The following GCLC variants were observed in gnomAD, a reference collection of about 807,000 sequenced individuals.
The protein encoded by GCLC is glutamate--cysteine ligase catalytic subunit.
GCLC carries 30 observed loss-of-function variants against 81.5 expected under a neutral mutation model. That is an observed-to-expected ratio of 0.37 (90% confidence interval 0.28 to 0.50). GCLC has a LOEUF of 0.50. Ranked by LOEUF, GCLC falls within the 20% of genes least tolerant of loss-of-function variation. The pLI is 0.96. For missense variants in GCLC, 556 were observed against 777.4 expected (o/e 0.72, Z 3.39); for synonymous variants, 262 against 273.3 (o/e 0.96, Z 0.41).
intron 1 of GCLC, among the ~76,000 whole-genome samples, chr6:53,531,975 T>C (rs12527352): frequency 0.014 from 2,193 of 152,350 alleles, 25 homozygotes; most frequent in Middle Eastern, 0.086. Context: ...ACTCTTAGTA[T>C]AAGACCATCA....
At chr6:53,510,237 G>A (rs747856799) in intron 6 of GCLC, 3 of 152,056 alleles carry the variant, frequency 2.0e-5, no homozygotes, top group Non-Finnish European at 4.4e-5. Context: ...AGAAAAAGAG[G>A]CCCTCTAAGT....
At chr6:53,505,146 TG>T (rs1474529848) in intron 12 of GCLC, 2 of 462,650 alleles carry the variant, frequency 4.3e-6, no homozygotes, top group African/African-American at 3.9e-5. Flanking sequence ...GTAATCAACC[TG>T]GGATTTTGTG....
rs768852508 is a variant in GCLC at position 53,506,966 on chromosome 6, G to A, written c.1144C>T (p.Leu382=). ...TCCAGGTGTATTTTCTCTTCAAACA[G>A]TGTCAGTGGGTCTCTAATAAAGAGA... ...AHLFIRDPLT[L]FEEKIHLDDA... The change falls in exon 10 of 16, where the codon CTG becomes TTG. Residue 382 remains leucine (L), a synonymous_variant. Transcript: ENST00000650454. This position sits in a 1 kb window ranked among gnomAD's most constrained non-coding sequence, Gnocchi z 4.0. 6.2e-7 allele frequency: 1 copy of A among 1,611,362 alleles called. No individual in the cohort carries two copies. Among genetic ancestry groups the A allele is most frequent in the African/African-American group, 1.3e-5 (1 of 74,884 alleles).
rs1467876132 is a variant in GCLC at position 53,544,584 on chromosome 6, T to C, written c.62A>G (p.His21Arg). 1 of 1,605,632 alleles carries C rather than the reference T, an allele frequency of 6.2e-7. No homozygotes were observed. The highest frequency in any genetic ancestry group is 1.1e-5 in the South Asian group (1 of 91,076). Residue 21 changes from histidine to arginine, a missense_variant, in exon 1 of 16, where the codon CAC becomes CGC. Transcript: ENST00000650454. ...SWEETKRHADHVRRHGILQFL... is the reference protein window; with the variant it reads ...SWEETKRHADRVRRHGILQFL... ...CTGGAGGATCCCGTGCCGCCGCACG[T>C]GGTCGGCATGGCGCTTGGTTTCCTC... is the stretch of plus-strand genomic sequence containing the variant.
rs10588842 is a variant in GCLC at position 53,538,136 on chromosome 6, C to CTTTTTT, written c.150+6354_150+6359dup. On this transcript the variant is annotated intron_variant, in intron 1 of 15. Coordinates refer to ENST00000650454, the MANE Select transcript of GCLC (RefSeq NM_001498.4). ...AGCTAGGCATTTTCTTTTTTCTTTC[C>CTTTTTT]TTTTTTTTTTTTTTTTTTTTTTTTT... 8.1e-4 allele frequency among the ~76,000 whole-genome samples: 64 copies of CTTTTTT among 78,910 alleles called. 4 individuals carry two copies. The East Asian group carries it at 0.019, about 23-fold the overall frequency. The allele number at this position is 78,910 out of a possible 152,430, so 51.8% of individuals were successfully genotyped here.
chr6:53,500,807 T>C (rs1764496303), intron 12 of GCLC: 2 of 452,280 alleles, frequency 4.4e-6, no homozygotes, highest in Admixed American at 6.9e-5. Flanking sequence ...GACTGAGCCT[T>C]GCAACAGATA....
chr6:53,500,182 A>G lies in GCLC; in HGVS notation c.1582-17T>C, dbSNP rs749400371. On this transcript the variant is annotated splice_polypyrimidine_tract_variant and intron_variant, in intron 14 of 15. Coordinates refer to ENST00000650454, the MANE Select transcript of GCLC (RefSeq NM_001498.4). ...CACACCTTCCTACAAGAAGCAGGAC[A>G]CTTTATGAACTCCCTGCCGGGGGAT... 8.1e-6 allele frequency: 13 copies of G among 1,613,944 alleles called. No homozygotes were observed. The highest frequency in any genetic ancestry group is 1.1e-5 in the Non-Finnish European group (13 of 1,179,914).
chr6:53,514,799 G>A (rs1764834192), intron 4 of GCLC, among the ~76,000 whole-genome samples: 1 of 152,136 alleles, frequency 6.6e-6, no homozygotes, highest in Non-Finnish European at 1.5e-5. Flanking sequence ...AGTCTGCCAT[G>A]GTCTGCTTTC....
intron 1 of GCLC, among the ~76,000 whole-genome samples, chr6:53,530,698 A>C (rs1763156893): frequency 6.6e-6 from 1 of 152,170 alleles, no homozygotes; most frequent in Non-Finnish European, 1.5e-5. Flanking sequence ...AGCATATTCA[A>C]TGGTGTCGTT....
chr6:53,500,524 A>G lies in GCLC; in HGVS notation c.1396-11T>C, dbSNP rs1393705428. The G allele has an allele frequency of 6.3e-7, 1 of 1,581,242 alleles. No individual in the cohort carries two copies. The highest frequency in any genetic ancestry group is 2.2e-5 in the East Asian group (1 of 44,728). ...CATGTTCTCATCAACCTAAGGGAAAAAAAGAATCACGACTAAGTCAAAATA... is the reference window on the plus strand; with the variant it reads ...CATGTTCTCATCAACCTAAGGGAAAGAAAGAATCACGACTAAGTCAAAATA... On this transcript the variant is annotated splice_polypyrimidine_tract_variant and intron_variant, in intron 12 of 15. Coordinates refer to ENST00000650454, the MANE Select transcript of GCLC (RefSeq NM_001498.4).
At chr6:53,513,988 C>A (rs1432247557) in intron 6 of GCLC, 5 of 598,422 alleles carry the variant, frequency 8.4e-6, no homozygotes, top group South Asian at 6.0e-5. Context: ...ACCGTATATA[C>A]CTTTGTGGTG....
chr6:53,532,322 C>A (rs2127628978), intron 1 of GCLC, among the ~76,000 whole-genome samples: 1 of 152,360 alleles, frequency 6.6e-6, no homozygotes. Context: ...CAATTTCTTG[C>A]AGTACATCCT....
chr6:53,516,081 CT>C, intron 4 of GCLC, 27 bp downstream of exon 4: 2 of 1,277,246 alleles, frequency 1.6e-6, no homozygotes, highest in Non-Finnish European at 2.3e-6. Flanking sequence ...TGAAGGGCAT[CT>C]GCATTTCAAC....
At chr6:53,543,957 T>C (rs1460743451) in intron 1 of GCLC, among the ~76,000 whole-genome samples, 1 of 152,172 alleles carries the variant, frequency 6.6e-6, no homozygotes, top group African/African-American at 2.4e-5. Flanking sequence ...TTTCAATTTA[T>C]AGCTATGAAG....
At chr6:53,500,887 C>A in intron 12 of GCLC, 1 of 340,112 alleles carries the variant, frequency 2.9e-6, no homozygotes, top group South Asian at 2.6e-5. Flanking sequence ...CCCAGGGTAA[C>A]GAAGGCAGAA....
chr6:53,515,986 A>T, intron 4 of GCLC, 123 bp downstream of exon 4: 2 of 690,212 alleles, frequency 2.9e-6, no homozygotes, highest in African/African-American at 1.8e-5. Flanking sequence ...TTCTCTGGTT[A>T]CTTAGGAAGA....
At position 53,498,537 on chromosome 6, in the gene GCLC, TA is replaced by T; in HGVS notation, c.*218del. ...TTCATGATGACTTTAGATATGTTAT[TA>T]AAATACATTGTTAATCAAAAATACT... On this transcript the variant is annotated 3_prime_UTR_variant, in exon 16 of 16. Coordinates refer to ENST00000650454, the MANE Select transcript of GCLC (RefSeq NM_001498.4). 1 of 561,686 alleles carries T rather than the reference TA, an allele frequency of 1.8e-6. No homozygotes were observed. The highest frequency in any genetic ancestry group is 3.2e-6 in the Non-Finnish European group (1 of 314,066). 34.8% of individuals were successfully genotyped at this position (561,686 alleles called of 1,614,324 possible).
intron 6 of GCLC, chr6:53,509,555 AT>A: frequency 2.2e-6 from 1 of 461,970 alleles, no homozygotes; most frequent in Admixed American, 3.6e-5. Flanking sequence ...TTAGCAAAGC[AT>A]TTTCTCTTCT....
At chr6:53,542,509 G>A (rs900403962) in intron 1 of GCLC, among the ~76,000 whole-genome samples, 1 of 151,770 alleles carries the variant, frequency 6.6e-6, no homozygotes, top group Non-Finnish European at 1.5e-5. Context: ...TTTTTTAAAA[G>A]GGTAAGATTA....
Sources: gnomAD v4.1 joint callset for allele counts (sites outside exome capture counted in the v4.1 genomes callset) on GRCh38, gnomAD v4.1.1 for gene constraint, Gnocchi (gnomAD v3.1) non-coding constraint, MANE v1.5 for transcripts, NCBI Gene and HGNC (gene_info 2026-07-23, HGNC 2026-07-21) for gene names.